Variants in MSRA observed in about 807,000 individuals in gnomAD.
MSRA encodes the protein methionine sulfoxide reductase A.
MSRA carries 54 observed loss-of-function variants against 31.3 expected under a neutral mutation model. The ratio of observed to expected loss-of-function variants is 1.73; its 90% CI spans 1.39 to 2.17. MSRA has a LOEUF of 2.17. Ranked by LOEUF, MSRA falls within the 30% of genes most tolerant of loss-of-function variation. The pLI, the probability that MSRA is intolerant of heterozygous loss-of-function variation, is 0.00. For synonymous variants in MSRA, 169 were observed against 116.5 expected (o/e 1.45, Z -2.90); for missense variants, 507 against 300.9 (o/e 1.69, Z -5.07).
At chr8:10,085,036 C>T (rs1225474359) in intron 1 of MSRA, among the ~76,000 whole-genome samples, 3 of 151,960 alleles carry the variant, frequency 2.0e-5, no homozygotes, top group African/African-American at 4.8e-5. Flanking sequence ...ATAAATAAAT[C>T]GTACTATGGT....
At position 10,426,773 on chromosome 8, in the gene MSRA, C is replaced by T. The variant is rs183479557; in HGVS notation, c.544-1375C>T. The stretch of plus-strand genomic sequence containing the variant: ...GTGGCTGTTGTGAGGCTAAAATTAA[C>T]ATGTGTGAAGTCTTTGCACAGATCA... On this transcript the variant is annotated intron_variant, in intron 5 of 5. Transcript: ENST00000317173. Among the ~76,000 whole-genome samples, 903 of 152,344 alleles carry T rather than the reference C, an allele frequency of 5.9e-3. 4 individuals carry two copies. Among genetic ancestry groups the T allele is most frequent in the Middle Eastern group, 0.017 (5 of 294 alleles).
intron 2 of MSRA, among the ~76,000 whole-genome samples, chr8:10,213,527 C>T (rs28687017): frequency 1.3e-5 from 2 of 149,876 alleles, no homozygotes; most frequent in Admixed American, 1.3e-4. Flanking sequence ...ACCTCCGCCT[C>T]CTGAGTTCAA....
At chr8:10,154,403 A>T (rs1407154881) in intron 1 of MSRA, among the ~76,000 whole-genome samples, 1 of 151,194 alleles carries the variant, frequency 6.6e-6, no homozygotes, top group East Asian at 1.9e-4. Flanking sequence ...TTTGAGACTG[A>T]GTCTTGCTCT....
chr8:10,264,761 A>G (rs1798659626), intron 3 of MSRA, among the ~76,000 whole-genome samples: 1 of 152,224 alleles, frequency 6.6e-6, no homozygotes, highest in Non-Finnish European at 1.5e-5. Context: ...CGAGGGAGAC[A>G]ATCCTTTATA....
At chr8:10,093,367 C>T (rs898198210) in intron 1 of MSRA, among the ~76,000 whole-genome samples, 1 of 151,962 alleles carries the variant, frequency 6.6e-6, no homozygotes, top group Non-Finnish European at 1.5e-5. Context: ...AGTGGTTGCC[C>T]TGGGGATTAC....
At chr8:10,271,719 T>G (rs1177845051) in intron 3 of MSRA, among the ~76,000 whole-genome samples, 1 of 13,034 alleles carries the variant, frequency 7.7e-5, no homozygotes, top group Admixed American at 4.0e-4. Flanking sequence ...ATGGGTAGTC[T>G]TTTTTTTTTT....
At chr8:10,257,184 C>T (rs1798228643) in intron 3 of MSRA, among the ~76,000 whole-genome samples, 1 of 151,938 alleles carries the variant, frequency 6.6e-6, no homozygotes, top group African/African-American at 2.4e-5. Flanking sequence ...CAGGAATGGG[C>T]ACGTACAGAC....
intron 4 of MSRA, among the ~76,000 whole-genome samples, chr8:10,305,699 C>T (rs1187268066): frequency 6.6e-6 from 1 of 152,182 alleles, no homozygotes; most frequent in Non-Finnish European, 1.5e-5. Flanking sequence ...GGCCACAAGG[C>T]ATGAACCACT....
intron 5 of MSRA, among the ~76,000 whole-genome samples, chr8:10,424,864 C>T (rs948787061): frequency 1.2e-4 from 19 of 152,214 alleles, no homozygotes; most frequent in Admixed American, 6.5e-4. Flanking sequence ...TCATGATTAA[C>T]TTAATGCTGT....
chr8:10,117,059 C>A (rs987261259), intron 1 of MSRA, among the ~76,000 whole-genome samples: 1 of 152,138 alleles, frequency 6.6e-6, no homozygotes, highest in Non-Finnish European at 1.5e-5. Flanking sequence ...AGCTGAAAAT[C>A]CATCTGCCCA....
At chr8:10,199,051 T>C (rs1808250326) in intron 1 of MSRA, among the ~76,000 whole-genome samples, 1 of 152,214 alleles carries the variant, frequency 6.6e-6, no homozygotes, top group African/African-American at 2.4e-5. Flanking sequence ...TAATTAACAA[T>C]TTATCTGCAT....
intron 1 of MSRA, among the ~76,000 whole-genome samples, chr8:10,084,000 G>C (rs551026887): frequency 2.7e-4 from 41 of 152,294 alleles, no homozygotes; most frequent in African/African-American, 9.4e-4. Context: ...AAATAAAATT[G>C]AGGTCTTCGT....
intron 1 of MSRA, among the ~76,000 whole-genome samples, chr8:10,138,649 G>A (rs1365860576): frequency 6.6e-6 from 1 of 152,126 alleles, no homozygotes; most frequent in Non-Finnish European, 1.5e-5. Context: ...ATTTTGAATG[G>A]AATAGAAGAC....
chr8:10,095,586 G>A, intron 1 of MSRA: 1 of 986,388 alleles, frequency 1.0e-6, no homozygotes, highest in Non-Finnish European at 1.2e-6. Flanking sequence ...GAGAGAGGCA[G>A]AGGGAGAGCT....
At chr8:10,213,085 T>A (rs775602169) in intron 2 of MSRA, among the ~76,000 whole-genome samples, 3 of 152,206 alleles carry the variant, frequency 2.0e-5, no homozygotes, top group Non-Finnish European at 2.9e-5. Context: ...ATTAAATTAC[T>A]ACTAACTATA....
At chr8:10,283,149 C>CAG (rs901280635) in intron 3 of MSRA, among the ~76,000 whole-genome samples, 7 of 146,440 alleles carry the variant, frequency 4.8e-5, no homozygotes, top group Non-Finnish European at 9.1e-5. Flanking sequence ...CACACACACA[C>CAG]ACACACACAC....
chr8:10,339,973 A>G (rs1353993254), intron 5 of MSRA, among the ~76,000 whole-genome samples: 2 of 152,068 alleles, frequency 1.3e-5, no homozygotes, highest in Non-Finnish European at 2.9e-5. Flanking sequence ...TAAAATCTTC[A>G]TGGATCCCCA....
chr8:10,330,797 A>T (rs1173003440), intron 5 of MSRA, among the ~76,000 whole-genome samples: 1 of 152,060 alleles, frequency 6.6e-6, no homozygotes, highest in African/African-American at 2.4e-5. Flanking sequence ...ATATCTGTTG[A>T]CCTGAACTGA....
chr8:10,230,985 G>A (rs941983174), intron 2 of MSRA, among the ~76,000 whole-genome samples: 13 of 152,088 alleles, frequency 8.5e-5, no homozygotes, highest in African/African-American at 3.1e-4. Flanking sequence ...GGGTTTCACC[G>A]TGTTGGCCAG....
Sources: allele counts gnomAD v4.1 joint callset (sites outside exome capture counted in the v4.1 genomes callset), GRCh38; gene constraint gnomAD v4.1.1; transcripts MANE v1.5; gene names NCBI Gene and HGNC (gene_info 2026-07-23, HGNC 2026-07-21).